FSD1: variants seen among roughly 807,000 people sequenced by gnomAD.
FSD1 encodes the protein fibronectin type III and SPRY domain-containing protein 1.
In FSD1, 23 loss-of-function variants were observed where a neutral mutation model predicts 58.2. The observed-to-expected ratio is 0.40, with a 90% CI of 0.28 to 0.56. The LOEUF (loss-of-function observed/expected upper bound fraction) is 0.56. Ranked by LOEUF, FSD1 falls within the 20% of genes least tolerant of loss-of-function variation. The pLI, the probability that FSD1 is intolerant of heterozygous loss-of-function variation, is 0.54. For missense variants in FSD1, 563 were observed against 670.8 expected (o/e 0.84, Z 1.78); for synonymous variants, 265 against 263.4 (o/e 1.01, Z -0.06).
At chr19:4,309,071 T>G (rs2144757085) in intron 4 of FSD1, among the ~76,000 whole-genome samples, 1 of 152,036 alleles carries the variant, frequency 6.6e-6, no homozygotes, top group East Asian at 1.9e-4. Context: ...CAAGACTCTG[T>G]TTCAAAAAAT....
At position 4,307,944 on chromosome 19, in the gene FSD1, C is replaced by A; in HGVS notation, c.306C>A (p.Asn102Lys). 1 of 1,613,962 alleles carries A rather than the reference C, an allele frequency of 6.2e-7. No individual in the cohort carries two copies. The change falls in exon 4 of 13, where the codon AAC (asparagine) becomes AAA (lysine). Residue 102 changes from asparagine to lysine, a missense_variant. Transcript: ENST00000221856. ...CCGAGGAGCTTCTGGAGACAGCCAA[C>A]CAGACTCTGCAGGCCATGGACAGCG... The part of the protein sequence containing the change: ...ESSEELLETA[N>K]QTLQAMDSED...
rs529314391 is a variant in FSD1, at chr19:4,315,257, C to T, written c.701-1925C>T. 5.3e-4 allele frequency among the ~76,000 whole-genome samples: 80 copies of T among 150,510 alleles called. 2 individuals are homozygous for T. In the South Asian group the frequency reaches 8.4e-3, roughly 16 times the overall value. ...TCTCCTGCCTCAACCTCCCAAGTAG[C>T]TTGGACTACAGGCACTATAGGCATG... On this transcript the variant is annotated intron_variant, in intron 7 of 12. Coordinates refer to ENST00000221856, the MANE Select transcript of FSD1 (RefSeq NM_024333.3).
Position 4,323,406 on chromosome 19 carries a change from G to A in FSD1, c.1350G>A (p.Arg450=), listed in dbSNP as rs1490497380. Residue 450 remains arginine (R), a synonymous_variant, in exon 12 of 13, where the codon AGG becomes AGA. Transcript: ENST00000221856. This position sits in a 1 kb window ranked among gnomAD's most constrained non-coding sequence, Gnocchi z 7.7. ...TKQVLHTFKT[R]FTQPLLPAFT... ...AAGTGCTGCACACTTTCAAGACCAG[G>A]TTCACACAGCCGCTGCTGCCTGCTT... 1.2e-6 allele frequency: 2 copies of A among 1,613,746 alleles called. No individual in the cohort carries two copies. Among genetic ancestry groups the A allele is most frequent in the African/African-American group, 2.7e-5 (2 of 74,896 alleles).
Position 4,318,329 on chromosome 19 carries a change from C to G in FSD1, c.800-17C>G. ...GGTTTCCCCATCTCTGTGACTCCCACGTCTGCCCGGCCCCAGCGTTCATGT... is the reference window on the plus strand; with the variant it reads ...GGTTTCCCCATCTCTGTGACTCCCAGGTCTGCCCGGCCCCAGCGTTCATGT... On this transcript the variant is annotated splice_polypyrimidine_tract_variant and intron_variant, in intron 8 of 12. Transcript: ENST00000221856. 6.2e-7 allele frequency: 1 copy of G among 1,613,708 alleles called. No individual in the cohort carries two copies. Among genetic ancestry groups the G allele is most frequent in the Non-Finnish European group, 8.5e-7 (1 of 1,179,988 alleles).
intron 7 of FSD1, among the ~76,000 whole-genome samples, chr19:4,313,196 A>T (rs1016220710): frequency 2.6e-5 from 4 of 150,948 alleles, no homozygotes; most frequent in Non-Finnish European, 4.4e-5. Flanking sequence ...AAAAAAAAAA[A>T]TTTAAAGTTA....
rs540627495 is a variant in FSD1 at position 4,315,699 on chromosome 19, C to T, written c.701-1483C>T. Among the ~76,000 whole-genome samples the T allele has an allele frequency of 6.9e-4, 103 of 148,408 alleles. 1 individual carries two copies. In the South Asian group the frequency reaches 0.021, roughly 30 times the overall value. On this transcript the variant is annotated intron_variant, in intron 7 of 12. Transcript: ENST00000221856. Reference sequence around the variant, plus strand: ...GATCTTTGGCTCACTGCAACTTCTGCCTCCTGGGTTCAAGCAATTCTCCTG... The same window carrying T: ...GATCTTTGGCTCACTGCAACTTCTGTCTCCTGGGTTCAAGCAATTCTCCTG...
At chr19:4,310,651 T>C in intron 6 of FSD1, 55 bp downstream of exon 6, 7 of 1,574,764 alleles carry the variant, frequency 4.4e-6, no homozygotes, top group Non-Finnish European at 6.0e-6. Flanking sequence ...CCTGGGAGGC[T>C]AGGAGGCCCT....
rs770554983 is a variant in FSD1, at chr19:4,307,864, G to A, written c.244-18G>A. ...AGTGGGGTGAGTTGTCCCCTCCTTTGGTGCCTGGTATCCACAGAACCAGCT... is the reference window on the plus strand; with the variant it reads ...AGTGGGGTGAGTTGTCCCCTCCTTTAGTGCCTGGTATCCACAGAACCAGCT... On this transcript the variant is annotated intron_variant, in intron 3 of 12. Coordinates refer to ENST00000221856, the MANE Select transcript of FSD1 (RefSeq NM_024333.3). The A allele has an allele frequency of 6.2e-7, 1 of 1,603,544 alleles. No individual in the cohort carries two copies. The highest frequency in any genetic ancestry group is 8.5e-7 in the Non-Finnish European group (1 of 1,173,190).
At chr19:4,304,917 C>A (rs1396474294) in intron 1 of FSD1, among the ~76,000 whole-genome samples, 156 bp downstream of exon 1, 1 of 142,748 alleles carries the variant, frequency 7.0e-6, no homozygotes, top group Admixed American at 6.9e-5. Context: ...GGATCTAGCC[C>A]CCCTACCCCA....
chr19:4,306,118 A>G (rs1971618238), intron 2 of FSD1, 77 bp downstream of exon 2: 1 of 1,608,430 alleles, frequency 6.2e-7, no homozygotes, highest in East Asian at 2.2e-5. Flanking sequence ...GAACTGGCCC[A>G]TTGCTGTTGA....
Position 4,304,981 on chromosome 19 carries a change from A to G in FSD1, c.15+220A>G, listed in dbSNP as rs1202162683. 7.5e-4 allele frequency among the ~76,000 whole-genome samples: 84 copies of G among 112,370 alleles called. 3 individuals are homozygous for G. In the South Asian group the frequency reaches 0.026, roughly 35 times the overall value. 73.7% of individuals were successfully genotyped at this position (112,370 alleles called of 152,430 possible). On this transcript the variant is annotated intron_variant, in intron 1 of 12. Coordinates refer to ENST00000221856, the MANE Select transcript of FSD1 (RefSeq NM_024333.3). ...GCTTGGGGCCAGGCACGTGCCTTCT[A>G]CGCCCCCCCACCCTGCCCAGTATCC... is the stretch of plus-strand genomic sequence containing the variant.
At position 4,318,479 on chromosome 19, in the gene FSD1, G is replaced by A. The variant is rs771043092; in HGVS notation, c.933G>A (p.Thr311=). The stretch of plus-strand genomic sequence containing the variant: ...GCGAGAAAGATGGCAAGGGGCGGAC[G>A]GCGTCTCCCATCAACTCCCCAGCCA... ...KAREKDGKGR[T]ASPINSPARG... The change falls in exon 9 of 13, where the codon ACG becomes ACA. Residue 311 remains threonine, a synonymous_variant. Transcript: ENST00000221856. The A allele has an allele frequency of 1.2e-5, 20 of 1,611,970 alleles. No individual in the cohort carries two copies. Among genetic ancestry groups the A allele is most frequent in the Middle Eastern group, 1.6e-4 (1 of 6,062 alleles).
chr19:4,318,575 G>C (rs1342655559), intron 9 of FSD1, 70 bp downstream of exon 9: 1 of 1,406,162 alleles, frequency 7.1e-7, no homozygotes, highest in Admixed American at 2.2e-5. Flanking sequence ...ACAGAGCCCA[G>C]TGTGGTCAGA....
Position 4,322,849 on chromosome 19 carries a change from C to T in FSD1, c.1040-137C>T, listed in dbSNP as rs528953314. 1,087 of 1,096,498 alleles carry T rather than the reference C, an allele frequency of 9.9e-4. 13 individuals are homozygous for T. The South Asian group carries it at 0.014, about 14-fold the overall frequency. 67.9% of individuals were successfully genotyped at this position (1,096,498 alleles called of 1,614,324 possible). ...CCTGAGGAGTATCTGGGGGGTACAG[C>T]TAGGAACCTGGGGAGTGTCTCTGCA... On this transcript the variant is annotated intron_variant, in intron 10 of 12. Transcript: ENST00000221856.
At chr19:4,305,870 G>A (rs1599531968) in intron 1 of FSD1, 76 bp from the exon 2 acceptor site, 13 of 1,052,254 alleles carry the variant, frequency 1.2e-5, no homozygotes, top group African/African-American at 6.2e-5. Context: ...GTGTGTACAT[G>A]TGCGTACACG....
chr19:4,305,701 AG>A (rs1474173104), intron 1 of FSD1, among the ~76,000 whole-genome samples: 1 of 152,188 alleles, frequency 6.6e-6, no homozygotes, highest in Non-Finnish European at 1.5e-5. Flanking sequence ...ATAGCGTGGC[AG>A]CCCCCACATC....
intron 8 of FSD1, 103 bp downstream of exon 8, chr19:4,317,383 C>A: frequency 1.4e-6 from 1 of 731,588 alleles, no homozygotes; most frequent in Non-Finnish European, 2.4e-6. Flanking sequence ...CCCTGGCTGC[C>A]AGGAAGCTCA....
intron 7 of FSD1, 104 bp downstream of exon 7, chr19:4,312,155 C>A: frequency 9.7e-7 from 1 of 1,034,616 alleles, no homozygotes; most frequent in Non-Finnish European, 1.4e-6. Flanking sequence ...ATCCCCAAAG[C>A]TCATGGGGTC....
rs750477041 is a variant in FSD1 at position 4,323,323 on chromosome 19, C to T, written c.1292-25C>T. ...CCCATCCCACTTCTGACCGGTCCCA[C>T]TGTCACTCTGCCCCCCGACCCCAGG... On this transcript the variant is annotated intron_variant, in intron 11 of 12. Coordinates refer to ENST00000221856, the MANE Select transcript of FSD1 (RefSeq NM_024333.3). This position sits in a 1 kb window ranked among gnomAD's most constrained non-coding sequence, Gnocchi z 7.7. The T allele has an allele frequency of 6.3e-5, 101 of 1,611,288 alleles. No homozygotes were observed. Among genetic ancestry groups the T allele is most frequent in the Admixed American group, 4.2e-4 (25 of 59,966 alleles).
Sources: allele counts gnomAD v4.1 joint callset (sites outside exome capture counted in the v4.1 genomes callset), GRCh38; gene constraint gnomAD v4.1.1; non-coding constraint Gnocchi (gnomAD v3.1); transcripts MANE v1.5; gene names NCBI Gene and HGNC (gene_info 2026-07-23, HGNC 2026-07-21).